Variants in OSBPL11 observed in about 807,000 individuals in gnomAD.
OSBPL11 encodes the protein oxysterol binding protein like 11.
In OSBPL11, 33 loss-of-function variants were observed where a neutral mutation model predicts 84.4. The ratio of observed to expected loss-of-function variants is 0.39; its 90% CI spans 0.30 to 0.52. The LOEUF is 0.52. OSBPL11 is among the 20% of genes least tolerant of loss of function. The pLI, the probability that OSBPL11 is intolerant of heterozygous loss-of-function variation, is 0.72. For missense variants in OSBPL11, 736 were observed against 901.1 expected (o/e 0.82, Z 2.35); for synonymous variants, 276 against 310.2 (o/e 0.89, Z 1.16).
Position 125,560,373 on chromosome 3 carries a change from A to G in OSBPL11, c.1155+6T>C, listed in dbSNP as rs1288900665. The G allele has an allele frequency of 6.5e-7, 1 of 1,537,320 alleles. No homozygotes were observed. The highest frequency in any genetic ancestry group is 8.8e-7 in the Non-Finnish European group (1 of 1,133,362). ...ATCTCCATAGCCAGCTTATGCCATT[A>G]CTTACTCTTGTTAAATCCATGCCCA... On this transcript the variant is annotated splice_donor_region_variant and intron_variant, in intron 8 of 12. Coordinates refer to ENST00000296220, the MANE Select transcript of OSBPL11 (RefSeq NM_022776.5).
chr3:125,566,062 G>C (rs2107602158), intron 6 of OSBPL11, among the ~76,000 whole-genome samples: 1 of 152,240 alleles, frequency 6.6e-6, no homozygotes, highest in African/African-American at 2.4e-5. Flanking sequence ...CTGGAGCGCA[G>C]TGGCACGATC....
At chr3:125,537,144 G>C (rs60400336) in intron 11 of OSBPL11, among the ~76,000 whole-genome samples, 1 of 144,856 alleles carries the variant, frequency 6.9e-6, no homozygotes, top group African/African-American at 2.6e-5. Flanking sequence ...TGGGTGACAG[G>C]GTGAGACCCT....
chr3:125,583,061 C>A (rs917978179), intron 1 of OSBPL11, 83 bp from the exon 2 acceptor site: 15 of 923,400 alleles, frequency 1.6e-5, no homozygotes, highest in Middle Eastern at 2.3e-4. Flanking sequence ...AAAATAGCTG[C>A]AGATACATAT....
rs529414817 is a variant in OSBPL11 at position 125,577,387 on chromosome 3, C to G, written c.490-1022G>C. ...CCAAAGAAGATATACAAATGACTAA[C>G]CAATAAGCACACGAAAAGGTGCTCA... On this transcript the variant is annotated intron_variant, in intron 4 of 12. Transcript: ENST00000296220. Among the ~76,000 whole-genome samples the G allele has an allele frequency of 2.6e-3, 390 of 152,172 alleles. 1 individual carries two copies. Among genetic ancestry groups the G allele is most frequent in the Non-Finnish European group, 4.3e-3 (294 of 67,998 alleles).
At chr3:125,584,511 C>A (rs1337049468) in intron 1 of OSBPL11, among the ~76,000 whole-genome samples, 1 of 152,188 alleles carries the variant, frequency 6.6e-6, no homozygotes, top group Non-Finnish European at 1.5e-5. Context: ...TCTCAAAGTG[C>A]CAAGATATTT....
chr3:125,588,706 G>A (rs1014083888), intron 1 of OSBPL11, among the ~76,000 whole-genome samples: 14 of 152,166 alleles, frequency 9.2e-5, no homozygotes, highest in Non-Finnish European at 1.9e-4. Context: ...CTTAGCTGAG[G>A]AAAAGGCTAA....
intron 8 of OSBPL11, among the ~76,000 whole-genome samples, chr3:125,558,458 T>C (rs1211877919): frequency 6.6e-6 from 1 of 152,228 alleles, no homozygotes; most frequent in African/African-American, 2.4e-5. Context: ...GGTTTCTTTA[T>C]TAATTCCTAA....
At chr3:125,584,047 T>C (rs1212585299) in intron 1 of OSBPL11, among the ~76,000 whole-genome samples, 1 of 152,118 alleles carries the variant, frequency 6.6e-6, no homozygotes, top group African/African-American at 2.4e-5. Context: ...TTTAGGTACT[T>C]AGTACACAGC....
At chr3:125,536,913 C>T (rs1935647071) in intron 11 of OSBPL11, among the ~76,000 whole-genome samples, 2 of 152,006 alleles carry the variant, frequency 1.3e-5, no homozygotes, top group South Asian at 2.1e-4. Context: ...AATCCCAGCA[C>T]TTTGGGAGGC....
chr3:125,543,620 T>G (rs1262934120), intron 10 of OSBPL11, among the ~76,000 whole-genome samples: 1 of 152,068 alleles, frequency 6.6e-6, no homozygotes, highest in African/African-American at 2.4e-5. Flanking sequence ...CCATTTTGGG[T>G]GGGCACAGTG....
chr3:125,570,523 G>A (rs1034520280), intron 5 of OSBPL11, among the ~76,000 whole-genome samples: 3 of 151,972 alleles, frequency 2.0e-5, no homozygotes, highest in African/African-American at 7.3e-5. Context: ...GTACATATAT[G>A]ATATGGTTTG....
At position 125,531,976 on chromosome 3, in the gene OSBPL11, G is replaced by A. The variant is rs770597284; in HGVS notation, c.2063C>T (p.Ser688Phe). 4.5e-5 allele frequency: 73 copies of A among 1,611,724 alleles called. 1 individual carries two copies. The South Asian group carries it at 7.4e-4, about 16-fold the overall frequency. The change falls in exon 12 of 13, where the codon TCT becomes TTT. Residue 688 changes from serine to phenylalanine, a missense_variant. Coordinates refer to ENST00000296220, the MANE Select transcript of OSBPL11 (RefSeq NM_022776.5). ...WKNVTDSLRE[S>F]EIDKATEHKH... ...ATGCTCTGTGGCCTTATCAATTTCA[G>A]ATTCTCTCAGCGAGTCTGTCACATT...
intron 2 of OSBPL11, among the ~76,000 whole-genome samples, chr3:125,582,059 G>A (rs980256352): frequency 3.9e-5 from 6 of 152,118 alleles, no homozygotes; most frequent in African/African-American, 1.2e-4. Context: ...GGGTGGCCAG[G>A]TGTGGTGGCT....
At chr3:125,562,945 G>A (rs1336050039) in intron 7 of OSBPL11, among the ~76,000 whole-genome samples, 1 of 151,358 alleles carries the variant, frequency 6.6e-6, no homozygotes, top group East Asian at 1.9e-4. Context: ...AGGAGAAAAA[G>A]TTGGAAACAA....
intron 9 of OSBPL11, among the ~76,000 whole-genome samples, chr3:125,549,484 A>T (rs765172303): frequency 1.1e-4 from 17 of 152,250 alleles, no homozygotes; most frequent in South Asian, 2.1e-4. Context: ...ATTTCTTTTT[A>T]AAAAATTTTA....
intron 5 of OSBPL11, among the ~76,000 whole-genome samples, chr3:125,567,992 T>TAAA (rs35693186): frequency 0.025 from 2,985 of 117,762 alleles, 101 homozygotes; most frequent in African/African-American, 0.089. Flanking sequence ...AAACCCCGTC[T>TAAA]AAAAAAAAAA....
rs898514384 is a variant in OSBPL11 at position 125,530,425 on chromosome 3, A to C, written c.*90T>G. The C allele has an allele frequency of 8.5e-7, 1 of 1,177,346 alleles. No individual in the cohort carries two copies. 72.9% of individuals were successfully genotyped at this position (1,177,346 alleles called of 1,614,324 possible). A position where few individuals can be genotyped will look rare whatever the true frequency, so the allele number is the denominator to read the frequency against. On this transcript the variant is annotated 3_prime_UTR_variant, in exon 13 of 13. Coordinates refer to ENST00000296220, the MANE Select transcript of OSBPL11 (RefSeq NM_022776.5). The stretch of plus-strand genomic sequence containing the variant: ...CTAGTTTCAGTCTGCGCAATCAGGA[A>C]GCAGGTCACTCAGTGCAATGACTCC...
intron 11 of OSBPL11, 147 bp from the exon 12 acceptor site, chr3:125,532,161 C>T (rs879370912): frequency 1.9e-4 from 142 of 744,618 alleles, no homozygotes; most frequent in Admixed American, 5.8e-4. Flanking sequence ...CCAAGAATAA[C>T]GATACTGTGC....
chr3:125,575,432 C>T (rs36114352), intron 5 of OSBPL11, among the ~76,000 whole-genome samples: 10,158 of 151,982 alleles, frequency 0.067, 464 homozygotes, highest in Non-Finnish European at 0.098. Flanking sequence ...TACTATGTTG[C>T]CCAGGCTGGT....
Sources: allele counts gnomAD v4.1 joint callset (sites outside exome capture counted in the v4.1 genomes callset), GRCh38; gene constraint gnomAD v4.1.1; transcripts MANE v1.5; gene names NCBI Gene and HGNC (gene_info 2026-07-23, HGNC 2026-07-21).